Variants in DGKI observed in about 807,000 individuals in gnomAD.
The protein encoded by DGKI is diacylglycerol kinase iota, also known as DAG kinase iota.
A neutral mutation model predicts 147.5 loss-of-function variants in DGKI; 55 were observed. The observed-to-expected ratio is 0.37, with a 90% confidence interval of 0.30 to 0.47. The LOEUF (loss-of-function observed/expected upper bound fraction) is 0.47. DGKI is among the 20% of genes least tolerant of loss of function. DGKI has a pLI of 1.00. For synonymous variants in DGKI, 469 were observed against 477.1 expected (o/e 0.98, Z 0.22); for missense variants, 1,007 against 1,323.8 (o/e 0.76, Z 3.71).
chr7:137,483,070 T>G (rs1815426882), intron 23 of DGKI, among the ~76,000 whole-genome samples: 1 of 152,098 alleles, frequency 6.6e-6, no homozygotes, highest in South Asian at 2.1e-4. Context: ...AAAAATATCA[T>G]TAATCCTTCT....
At chr7:137,711,303 A>G (rs925286890) in intron 1 of DGKI, among the ~76,000 whole-genome samples, 4 of 152,266 alleles carry the variant, frequency 2.6e-5, no homozygotes, top group Non-Finnish European at 4.4e-5. Context: ...TTAAAATATC[A>G]TATCAGCACT....
intron 6 of DGKI, among the ~76,000 whole-genome samples, chr7:137,630,010 C>T (rs6967488): frequency 0.1 from 15,616 of 152,092 alleles, 2,387 homozygotes; most frequent in African/African-American, 0.33. Flanking sequence ...TATAAATATT[C>T]AAGATCTTCA....
chr7:137,577,838 G>A (rs1006129948), intron 16 of DGKI, among the ~76,000 whole-genome samples: 7 of 152,058 alleles, frequency 4.6e-5, no homozygotes, highest in African/African-American at 1.4e-4. Context: ...TCACGTATGC[G>A]TCCATGAAAA....
intron 20 of DGKI, among the ~76,000 whole-genome samples, chr7:137,523,887 C>T (rs1817051524): frequency 6.8e-6 from 1 of 146,262 alleles, no homozygotes; most frequent in Non-Finnish European, 1.5e-5. Context: ...ATTTTAAGGT[C>T]ACATAGCCAC....
intron 1 of DGKI, among the ~76,000 whole-genome samples, chr7:137,793,340 G>A (rs908173046): frequency 4.0e-5 from 6 of 148,542 alleles, no homozygotes; most frequent in African/African-American, 7.5e-5. Flanking sequence ...TCACTCTGTC[G>A]CCCAGGCTGG....
At chr7:137,782,564 C>T (rs1183418361) in intron 1 of DGKI, among the ~76,000 whole-genome samples, 4 of 152,134 alleles carry the variant, frequency 2.6e-5, no homozygotes, top group Non-Finnish European at 4.4e-5. Flanking sequence ...TCTATGGCCC[C>T]GTCCACCACC....
At chr7:137,775,717 T>C (rs1373575171) in intron 1 of DGKI, among the ~76,000 whole-genome samples, 2 of 152,186 alleles carry the variant, frequency 1.3e-5, no homozygotes, top group Non-Finnish European at 2.9e-5. Flanking sequence ...TTACGTGTAA[T>C]AGCAAAACAC....
In DGKI at chr7:137,846,130, C is replaced by CTT. The variant is rs1196395462; in HGVS notation, c.401+331_401+332insAA. 7.4e-6 allele frequency among the ~76,000 whole-genome samples: 1 copy of CTT among 135,428 alleles called. No individual in the cohort carries two copies. Among genetic ancestry groups the CTT allele is most frequent in the Non-Finnish European group, 1.6e-5 (1 of 64,154 alleles). The allele number at this position is 135,428 out of a possible 152,430, so 88.8% of individuals were successfully genotyped here. On this transcript the variant is annotated intron_variant, in intron 1 of 32. Transcript: ENST00000614521. This position sits in a 1 kb window ranked among gnomAD's most constrained non-coding sequence, Gnocchi z 4.0. ...TGAGTCTGCAACCCTTTCTCTCTCT[C>CTT]TCTTTCTCTCTCTCTCTCTCTCTCT...
chr7:137,643,375 A>G (rs953832185), intron 6 of DGKI, among the ~76,000 whole-genome samples: 6 of 151,686 alleles, frequency 4.0e-5, no homozygotes, highest in Non-Finnish European at 7.4e-5. Context: ...TATAGCACCA[A>G]TGTTTGGAGT....
chr7:137,460,298 T>A (rs974876060), intron 27 of DGKI, among the ~76,000 whole-genome samples: 1 of 152,228 alleles, frequency 6.6e-6, no homozygotes, highest in African/African-American at 2.4e-5. Context: ...GGGCACAGGA[T>A]GTTTGCTGCA....
intron 21 of DGKI, among the ~76,000 whole-genome samples, chr7:137,520,798 G>A (rs1349169656): frequency 6.6e-6 from 1 of 151,896 alleles, no homozygotes; most frequent in Admixed American, 6.6e-5. Flanking sequence ...ATTATCCTTG[G>A]ACCTCAGAAT....
chr7:137,437,603 T>C (rs1813332197), intron 28 of DGKI, among the ~76,000 whole-genome samples: 1 of 152,160 alleles, frequency 6.6e-6, no homozygotes, highest in African/African-American at 2.4e-5. Context: ...GCAATTTTCA[T>C]AAAAAATTTC....
chr7:137,408,078 TG>T (rs1812024015), intron 29 of DGKI, 83 bp from the exon 30 acceptor site: 2 of 1,521,144 alleles, frequency 1.3e-6, no homozygotes, highest in Admixed American at 1.8e-5. Context: ...ATGAGAGTCA[TG>T]TAGCAGACCA....
chr7:137,728,408 C>T (rs964469507), intron 1 of DGKI, among the ~76,000 whole-genome samples: 1 of 152,068 alleles, frequency 6.6e-6, no homozygotes, highest in African/African-American at 2.4e-5. Context: ...AAAATTCTAT[C>T]GAGAAATGAT....
At chr7:137,617,962 C>T (rs1048440029) in intron 8 of DGKI, among the ~76,000 whole-genome samples, 8 of 149,784 alleles carry the variant, frequency 5.3e-5, no homozygotes, top group Non-Finnish European at 8.9e-5. Context: ...TTGAAAATTT[C>T]CATAACAAAA....
intron 1 of DGKI, among the ~76,000 whole-genome samples, chr7:137,831,147 T>C (rs1156684364): frequency 6.6e-6 from 1 of 152,242 alleles, no homozygotes; most frequent in Non-Finnish European, 1.5e-5. Context: ...ATCCAAGAGC[T>C]CTCTGGCACT....
chr7:137,810,887 G>A (rs886174301), intron 1 of DGKI, among the ~76,000 whole-genome samples: 1 of 152,130 alleles, frequency 6.6e-6, no homozygotes, highest in Non-Finnish European at 1.5e-5. Context: ...CACCTACCAT[G>A]CGCCAGAATA....
intron 28 of DGKI, among the ~76,000 whole-genome samples, chr7:137,416,154 T>A (rs368463760): frequency 2.6e-5 from 4 of 151,982 alleles, no homozygotes; most frequent in Non-Finnish European, 5.9e-5. Flanking sequence ...ATTAACTAAC[T>A]GAAAGCATTT....
intron 1 of DGKI, among the ~76,000 whole-genome samples, chr7:137,797,701 A>T (rs1180876369): frequency 6.6e-6 from 1 of 152,150 alleles, no homozygotes; most frequent in Non-Finnish European, 1.5e-5. Context: ...AAAATGATAC[A>T]TTAGGAAATA....
Sources: gnomAD v4.1 joint callset for allele counts (sites outside exome capture counted in the v4.1 genomes callset) on GRCh38, gnomAD v4.1.1 for gene constraint, Gnocchi (gnomAD v3.1) non-coding constraint, MANE v1.5 for transcripts, NCBI Gene and HGNC (gene_info 2026-07-23, HGNC 2026-07-21) for gene names.